The following CLN8 variants were observed in gnomAD, a reference collection of about 807,000 sequenced individuals.
The protein encoded by CLN8 is protein CLN8.
Under a neutral mutation model 15.7 loss-of-function variants are expected in CLN8, and 14 were observed. The ratio of observed to expected loss-of-function variants is 0.89; its 90% CI spans 0.59 to 1.39. The LOEUF (loss-of-function observed/expected upper bound fraction) is 1.39. Among genes scored for constraint, CLN8 ranks in the 40% most tolerant of loss-of-function variants. The probability of loss-of-function intolerance (pLI) is 0.00; values close to 1 mark genes in which losing one functional copy is unlikely to be tolerated. For missense variants in CLN8, 415 were observed against 364.0 expected (o/e 1.14, Z -1.14); for synonymous variants, 188 against 151.0 (o/e 1.25, Z -1.80).
At position 1,769,067 on chromosome 8, in the gene CLN8, T is replaced by A. The variant is rs143738467; in HGVS notation, c.-123-1865T>A. On this transcript the variant is annotated intron_variant, in intron 1 of 2. Coordinates refer to ENST00000331222, the MANE Select transcript of CLN8 (RefSeq NM_018941.4). ...CCGTTTCTCTAGGGAGAAACATGAG[T>A]ACCAGTGCTGTCTTTCCCCACATCA... 1.8e-3 allele frequency among the ~76,000 whole-genome samples: 278 copies of A among 152,254 alleles called. 2 individuals carry two copies. Among genetic ancestry groups the A allele is most frequent in the African/African-American group, 6.4e-3 (265 of 41,542 alleles).
chr8:1,770,483 TGAA>T (rs564845830), intron 1 of CLN8, among the ~76,000 whole-genome samples: 2 of 152,316 alleles, frequency 1.3e-5, no homozygotes, highest in South Asian at 4.1e-4. Flanking sequence ...AGGAATAACA[TGAA>T]GAACAGGAGC....
intron 1 of CLN8, among the ~76,000 whole-genome samples, chr8:1,769,923 A>G (rs1041127301): frequency 6.6e-6 from 1 of 152,180 alleles, no homozygotes; most frequent in African/African-American, 2.4e-5. Context: ...TTCAGTAAGC[A>G]CTTGTCCTAT....
intron 2 of CLN8, among the ~76,000 whole-genome samples, chr8:1,776,919 G>A (rs896162591): frequency 2.6e-5 from 4 of 152,190 alleles, no homozygotes; most frequent in African/African-American, 9.7e-5. Flanking sequence ...CAGCAGTCTG[G>A]ATGGTTTACA....
intron 1 of CLN8, 67 bp from the exon 2 acceptor site, chr8:1,770,865 G>A (rs1053427402): frequency 2.8e-5 from 17 of 617,538 alleles, no homozygotes; most frequent in Admixed American, 1.4e-4. Context: ...TAATGTTTGC[G>A]TTACTGGGGT....
upstream of CLN8, among the ~76,000 whole-genome samples, chr8:1,754,899 G>T (rs777687285): frequency 2.0e-5 from 3 of 152,224 alleles, no homozygotes; most frequent in Non-Finnish European, 2.9e-5. Context: ...AAGCAGGCCG[G>T]AAGTTCTTTC....
chr8:1,759,093 C>T (rs1053169657), upstream of CLN8: 1 of 152,186 alleles, frequency 6.6e-6, no homozygotes, highest in African/African-American at 2.4e-5. Flanking sequence ...CTTATTGCTA[C>T]AGAGTCTGTT....
chr8:1,766,280 G>A (rs1282189364), intron 1 of CLN8, among the ~76,000 whole-genome samples: 2 of 152,114 alleles, frequency 1.3e-5, no homozygotes, highest in Admixed American at 6.5e-5. Context: ...TTTATTCTCC[G>A]GCTCCACTTC....
intron 1 of CLN8, among the ~76,000 whole-genome samples, chr8:1,767,524 G>A (rs552877973): frequency 5.5e-4 from 81 of 146,234 alleles, no homozygotes; most frequent in South Asian, 3.5e-3. Flanking sequence ...CATCTGGCTT[G>A]TAGTAGGTGC....
intron 1 of CLN8, among the ~76,000 whole-genome samples, chr8:1,769,696 A>G (rs898546974): frequency 6.6e-6 from 1 of 152,212 alleles, no homozygotes; most frequent in African/African-American, 2.4e-5. Context: ...CAGTTTTTCA[A>G]GAACTTGAGA....
Position 1,781,405 on chromosome 8 carries a change from G to T in CLN8, c.*838G>T, listed in dbSNP as rs995112495. The T allele has an allele frequency of 1.1e-5, 1 of 89,502 alleles. No individual in the cohort carries two copies. Among genetic ancestry groups the T allele is most frequent in the Admixed American group, 9.7e-5 (1 of 10,354 alleles). The allele number at this position is 89,502 out of a possible 1,614,324, so 5.5% of individuals were successfully genotyped here. On this transcript the variant is annotated 3_prime_UTR_variant, in exon 3 of 3. Transcript: ENST00000331222. ...AAAAAAATTCTAGACCGAAGTGTAC[G>T]GCAGTGCCATCTGGTGGCAAGTGGT...
intron 1 of CLN8, among the ~76,000 whole-genome samples, chr8:1,770,183 G>C (rs896094730): frequency 7.9e-5 from 12 of 152,160 alleles, no homozygotes; most frequent in Non-Finnish European, 1.6e-4. Context: ...AGGGCATCTG[G>C]AGCAAATGGC....
At chr8:1,773,111 G>C (rs1450728163) in intron 2 of CLN8, 1 of 393,904 alleles carries the variant, frequency 2.5e-6, no homozygotes, top group Non-Finnish European at 4.5e-6. Context: ...AACTCAAGGA[G>C]GAACTTGTGT....
In CLN8 at chr8:1,783,880, A is replaced by G. The variant is rs1368619356; in HGVS notation, c.*3313A>G. On this transcript the variant is annotated 3_prime_UTR_variant, in exon 3 of 3. Transcript: ENST00000331222. ...GAACAGCCGTGCCTGCCTTGGGCGC[A>G]GCCTCCGGCGCCAGAGCTGGGCTCT... The G allele has an allele frequency of 6.6e-6, 1 of 152,274 alleles. No individual in the cohort carries two copies. Among genetic ancestry groups the G allele is most frequent in the African/African-American group, 2.4e-5 (1 of 41,468 alleles). 9.4% of individuals were successfully genotyped at this position (152,274 alleles called of 1,614,324 possible).
In CLN8 at chr8:1,772,626, T is replaced by TTGTG. The variant is rs568342994; in HGVS notation, c.543+1053_543+1056dup. ...GCGCCCACCACCACGCCTAGCTAAT[T>TTGTG]TGTGTGTGTGTGTGTGTGTGTGTGT... On this transcript the variant is annotated intron_variant, in intron 2 of 2. Coordinates refer to ENST00000331222, the MANE Select transcript of CLN8 (RefSeq NM_018941.4). Among the ~76,000 whole-genome samples the TTGTG allele has an allele frequency of 6.3e-3, 935 of 147,426 alleles. 2 individuals are homozygous for TTGTG. Among genetic ancestry groups the TTGTG allele is most frequent in the Admixed American group, 0.011 (160 of 14,722 alleles).
chr8:1,780,358 C>G lies in CLN8; in HGVS notation c.652C>G (p.His218Asp), dbSNP rs1236162009. 6.2e-7 allele frequency: 1 copy of G among 1,614,236 alleles called. No individual in the cohort carries two copies. The highest frequency in any genetic ancestry group is 1.1e-5 in the South Asian group (1 of 91,088). ...CCACATGTGGTGGGTGTGTTTCTGG[C>G]ACTGGGACGGCCTGGTCAGCAGCCT... ...TYHMWWVCFWHWDGLVSSLYL... is the reference protein window; with the variant it reads ...TYHMWWVCFWDWDGLVSSLYL... The change falls in exon 3 of 3, where the codon CAC becomes GAC. Residue 218 changes from histidine to aspartate, a missense_variant. Coordinates refer to ENST00000331222, the MANE Select transcript of CLN8 (RefSeq NM_018941.4).
chr8:1,767,804 C>T (rs941965563), intron 1 of CLN8, among the ~76,000 whole-genome samples: 3 of 151,984 alleles, frequency 2.0e-5, no homozygotes, highest in African/African-American at 7.2e-5. Context: ...AACTTCTGAC[C>T]TTGTGATGCA....
upstream of CLN8, among the ~76,000 whole-genome samples, chr8:1,761,461 A>G (rs1381637672): frequency 6.6e-6 from 1 of 152,210 alleles, no homozygotes; most frequent in Admixed American, 6.5e-5. Flanking sequence ...AGTAGTTGGC[A>G]TTACAGGCGT....
rs1425933945 is a variant in CLN8, at chr8:1,785,214, A to C, written c.*4647A>C. The C allele has an allele frequency of 5.9e-6, 1 of 170,484 alleles. No homozygotes were observed. The highest frequency in any genetic ancestry group is 1.3e-5 in the Non-Finnish European group (1 of 77,634). The allele number at this position is 170,484 out of a possible 1,614,324, so 10.6% of individuals were successfully genotyped here. ...TTGCGGCTCGGCCGCGAAGTGTGTC[A>C]GGTGTGCATCCTGGGTGCTCCTTTG... On this transcript the variant is annotated 3_prime_UTR_variant, in exon 3 of 3. Transcript: ENST00000331222.
At position 1,771,667 on chromosome 8, in the gene CLN8, C is replaced by T. The variant is rs1045641013; in HGVS notation, c.543+70C>T. On this transcript the variant is annotated intron_variant, in intron 2 of 2. Transcript: ENST00000331222. ...TAATCACTGGCTACAATGTCCTGGA[C>T]GCTGCCATAAACTCAACAGCAGGCT... 21 of 1,439,864 alleles carry T rather than the reference C, an allele frequency of 1.5e-5. 1 individual carries two copies. Among genetic ancestry groups the T allele is most frequent in the African/African-American group, 1.3e-4 (9 of 71,302 alleles). The allele number at this position is 1,439,864 out of a possible 1,614,324, so 89.2% of individuals were successfully genotyped here.
Sources: gnomAD v4.1 joint callset for allele counts (sites outside exome capture counted in the v4.1 genomes callset) on GRCh38, gnomAD v4.1.1 for gene constraint, MANE v1.5 for transcripts, NCBI Gene and HGNC (gene_info 2026-07-23, HGNC 2026-07-21) for gene names.